Variants in ANTXR2 observed in about 807,000 individuals in gnomAD.
ANTXR2 encodes ANTXR cell adhesion molecule 2, also known as anthrax toxin receptor 2.
Under a neutral mutation model 73.7 loss-of-function variants are expected in ANTXR2, and 44 were observed. The ratio of observed to expected loss-of-function variants is 0.60; its 90% CI spans 0.47 to 0.77. The LOEUF (loss-of-function observed/expected upper bound fraction) is 0.77, where lower values mean the gene tolerates loss of function less well. ANTXR2 is among the 30% of genes least tolerant of loss of function. The probability of loss-of-function intolerance (pLI) is 0.00; values close to 1 mark genes in which losing one functional copy is unlikely to be tolerated. For missense variants in ANTXR2, 604 were observed against 592.5 expected (o/e 1.02, Z -0.20); for synonymous variants, 217 against 205.9 (o/e 1.05, Z -0.46).
Position 79,985,474 on chromosome 4 carries a change from G to A in ANTXR2, c.1042-611C>T, listed in dbSNP as rs1267085787. Among the ~76,000 whole-genome samples, 4 of 152,296 alleles carry A rather than the reference G, an allele frequency of 2.6e-5. No homozygotes were observed. In the East Asian group the frequency reaches 7.7e-4, roughly 29 times the overall value. On this transcript the variant is annotated intron_variant, in intron 12 of 16. Coordinates refer to ENST00000403729, the MANE Select transcript of ANTXR2 (RefSeq NM_058172.6). ...ACATCCGTGGAACACTCACTGTTGA[G>A]GAACACTGCTGTCAGGTCAGAAATC...
chr4:80,026,421 C>A (rs1691195390), intron 10 of ANTXR2, among the ~76,000 whole-genome samples: 1 of 152,086 alleles, frequency 6.6e-6, no homozygotes, highest in South Asian at 2.1e-4. Flanking sequence ...CCAGTCTCGG[C>A]AGTTCTTTAT....
At chr4:80,038,200 G>T (rs1050762582) in intron 7 of ANTXR2, among the ~76,000 whole-genome samples, 1 of 152,090 alleles carries the variant, frequency 6.6e-6, no homozygotes, top group Admixed American at 6.6e-5. Flanking sequence ...CATCCGGAAT[G>T]ACTTCAGTGA....
intron 16 of ANTXR2, among the ~76,000 whole-genome samples, chr4:79,911,247 G>A (rs1266053692): frequency 6.6e-6 from 1 of 152,140 alleles, no homozygotes; most frequent in Non-Finnish European, 1.5e-5. Context: ...CACAATAAAG[G>A]TATGTTATCA....
chr4:80,021,822 T>C (rs1415494340), intron 10 of ANTXR2, among the ~76,000 whole-genome samples: 1 of 152,068 alleles, frequency 6.6e-6, no homozygotes, highest in Non-Finnish European at 1.5e-5. Context: ...CACTTGATGA[T>C]ATATGATGTA....
At chr4:79,949,536 C>A (rs569868430) in intron 16 of ANTXR2, among the ~76,000 whole-genome samples, 1 of 152,100 alleles carries the variant, frequency 6.6e-6, no homozygotes, top group Non-Finnish European at 1.5e-5. Flanking sequence ...ATGTACTGAA[C>A]AAATCTCAGT....
intron 16 of ANTXR2, among the ~76,000 whole-genome samples, chr4:79,927,061 G>GTATA (rs71220390): frequency 0.012 from 1,809 of 144,726 alleles, 46 homozygotes; most frequent in Non-Finnish European, 0.016. Context: ...GTGTGTGTGT[G>GTATA]TATATATATA....
chr4:80,042,574 C>A (rs997329343), intron 7 of ANTXR2, among the ~76,000 whole-genome samples: 1 of 151,994 alleles, frequency 6.6e-6, no homozygotes, highest in South Asian at 2.1e-4. Context: ...TATAGGTTTC[C>A]TTTATCTCCC....
intron 3 of ANTXR2, among the ~76,000 whole-genome samples, chr4:80,066,114 A>C (rs1734483341): frequency 6.6e-6 from 1 of 152,228 alleles, no homozygotes; most frequent in African/African-American, 2.4e-5. Context: ...AAACTTGAGA[A>C]GTTACTGATT....
intron 11 of ANTXR2, among the ~76,000 whole-genome samples, chr4:80,012,474 C>G (rs550258521): frequency 6.6e-6 from 1 of 152,076 alleles, no homozygotes; most frequent in South Asian, 2.1e-4. Flanking sequence ...GCTGTTTTTG[C>G]ACTACAATGG....
In ANTXR2 at chr4:79,978,256, G is replaced by C. The variant is rs577942649; in HGVS notation, c.1180-82C>G. The C allele has an allele frequency of 2.4e-5, 31 of 1,315,426 alleles. No individual in the cohort carries two copies. In the South Asian group the frequency reaches 4.7e-4, roughly 20 times the overall value. 81.5% of individuals were successfully genotyped at this position (1,315,426 alleles called of 1,614,324 possible). Reference sequence around the variant, plus strand: ...CTCTTATTGAGCCTATGGTCCTTTAGTTCACATCTCAGAGTGAAAAAGAAG... The same window carrying C: ...CTCTTATTGAGCCTATGGTCCTTTACTTCACATCTCAGAGTGAAAAAGAAG... On this transcript the variant is annotated intron_variant, in intron 14 of 16. Transcript: ENST00000403729.
At chr4:79,963,089 A>G (rs1238199149) in intron 16 of ANTXR2, among the ~76,000 whole-genome samples, 1 of 152,134 alleles carries the variant, frequency 6.6e-6, no homozygotes, top group East Asian at 1.9e-4. Flanking sequence ...TTTGAAGATG[A>G]CATGGTTTAA....
chr4:80,011,350 C>A (rs1358414253), intron 11 of ANTXR2, among the ~76,000 whole-genome samples: 1 of 151,944 alleles, frequency 6.6e-6, no homozygotes, highest in African/African-American at 2.4e-5. Context: ...ATCTGTCTGT[C>A]TATCATCTAT....
intron 7 of ANTXR2, among the ~76,000 whole-genome samples, chr4:80,046,581 T>A (rs1001679056): frequency 2.0e-5 from 3 of 151,958 alleles, no homozygotes; most frequent in Admixed American, 2.0e-4. Flanking sequence ...GCCCACTTTC[T>A]TGTTTTACTA....
rs1173040945 is a variant in ANTXR2 at position 80,055,957 on chromosome 4, G to T, written c.353C>A (p.Thr118Lys). ...DLKRVSPVGE[T>K]YIHEGLKLAN... ...TAGCTTTAGTCCTTCATGGATATAT[G>T]TCTCTCCTACTGGACTAACACGTTT... The change falls in exon 4 of 17, where the codon ACA (threonine) becomes AAA (lysine). Residue 118 changes from threonine to lysine, a missense_variant. Transcript: ENST00000403729. 6.4e-7 allele frequency: 1 copy of T among 1,565,672 alleles called. No homozygotes were observed. The highest frequency in any genetic ancestry group is 1.9e-5 in the Admixed American group (1 of 52,446).
At chr4:79,945,891 A>G (rs1252835320) in intron 16 of ANTXR2, among the ~76,000 whole-genome samples, 1 of 152,168 alleles carries the variant, frequency 6.6e-6, no homozygotes, top group Non-Finnish European at 1.5e-5. Flanking sequence ...TTTTTTAAAA[A>G]AGCTGAAAGC....
At chr4:80,055,886 A>T in intron 4 of ANTXR2, 46 bp downstream of exon 4, 1 of 1,329,180 alleles carries the variant, frequency 7.5e-7, no homozygotes, top group Admixed American at 2.6e-5. Context: ...TCACCACAGA[A>T]TAAGAAAGCA....
At chr4:79,995,152 T>C (rs989067328) in intron 12 of ANTXR2, among the ~76,000 whole-genome samples, 19 of 152,020 alleles carry the variant, frequency 1.2e-4, no homozygotes, top group African/African-American at 4.6e-4. Flanking sequence ...AATTTGGGTT[T>C]ATATGTTGAT....
At chr4:79,959,781 G>A (rs1459839479) in intron 16 of ANTXR2, among the ~76,000 whole-genome samples, 1 of 152,164 alleles carries the variant, frequency 6.6e-6, no homozygotes, top group African/African-American at 2.4e-5. Context: ...GACAACAGGG[G>A]GTCAAAGCGG....
At chr4:80,072,263 G>A (rs1206070312) in intron 1 of ANTXR2, 146 bp downstream of exon 1, 2 of 905,532 alleles carry the variant, frequency 2.2e-6, no homozygotes, top group East Asian at 6.5e-5. Context: ...GAACGCGCTT[G>A]CCCTTTGAAA....
Sources: gnomAD v4.1 joint callset for allele counts (sites outside exome capture counted in the v4.1 genomes callset) on GRCh38, gnomAD v4.1.1 for gene constraint, MANE v1.5 for transcripts, NCBI Gene and HGNC (gene_info 2026-07-23, HGNC 2026-07-21) for gene names.